Variants in UBR3 observed in about 807,000 individuals in gnomAD.
UBR3 encodes ubiquitin protein ligase E3 component n-recognin 3.
Under a neutral mutation model 243.2 loss-of-function variants are expected in UBR3, and 85 were observed. The observed-to-expected ratio is 0.35, with a 90% CI of 0.29 to 0.42. The LOEUF (loss-of-function observed/expected upper bound fraction) is 0.42, where lower values mean the gene tolerates loss of function less well. UBR3 is among the 10% of genes least tolerant of loss of function. The probability of loss-of-function intolerance (pLI) is 1.00; values close to 1 mark genes in which losing one functional copy is unlikely to be tolerated. For missense variants in UBR3, 1,686 were observed against 2,300.8 expected (o/e 0.73, Z 5.47); for synonymous variants, 748 against 799.8 (o/e 0.94, Z 1.09).
At chr2:169,884,530 A>G (rs560601836) in intron 5 of UBR3, among the ~76,000 whole-genome samples, 29 of 152,286 alleles carry the variant, frequency 1.9e-4, no homozygotes, top group African/African-American at 6.0e-4. Flanking sequence ...AGAACAAAAT[A>G]TATTTTTGAA....
chr2:170,082,674 A>G lies in UBR3; in HGVS notation c.*831A>G, dbSNP rs2091925217. 6.6e-6 allele frequency: 1 copy of G among 152,614 alleles called. No individual in the cohort carries two copies. The allele number at this position is 152,614 out of a possible 1,614,324, so 9.5% of individuals were successfully genotyped here. On this transcript the variant is annotated 3_prime_UTR_variant, in exon 39 of 39. Coordinates refer to ENST00000272793, the MANE Select transcript of UBR3 (RefSeq NM_172070.4). ...CACTGGGCAGATGTTGATTCCGTGC[A>G]TGCCCACCTTTTATTACCAAACAAG...
At chr2:169,991,834 G>A (rs574749485) in intron 25 of UBR3, among the ~76,000 whole-genome samples, 5 of 152,128 alleles carry the variant, frequency 3.3e-5, no homozygotes, top group South Asian at 2.1e-4. Flanking sequence ...TGCCCACCTC[G>A]GCCTCCCAAA....
chr2:170,049,218 C>T (rs772878989), intron 32 of UBR3, among the ~76,000 whole-genome samples: 3 of 152,090 alleles, frequency 2.0e-5, no homozygotes, highest in East Asian at 1.9e-4. Flanking sequence ...ATATGTATTA[C>T]GTACTTTATT....
Position 169,872,248 on chromosome 2 carries a change from G to C in UBR3, c.558G>C (p.Arg186Ser). 2.0e-6 allele frequency: 3 copies of C among 1,520,372 alleles called. No individual in the cohort carries two copies. The highest frequency in any genetic ancestry group is 1.7e-4 in the Middle Eastern group (1 of 5,936). The allele number at this position is 1,520,372 out of a possible 1,614,324, so 94.2% of individuals were successfully genotyped here. A position where few individuals can be genotyped will look rare whatever the true frequency, so the allele number is the denominator to read the frequency against. ...TTTCATATTACAGGTTTTGCAAAAG[G>C]CATCAAATTAAATCAAGTTCAAATA... ...NVMRESGFCK[R>S]HQIKSSSNIP... Residue 186 changes from arginine (R) to serine (S), a missense_variant, in exon 2 of 39, where the codon AGG becomes AGC. Coordinates refer to ENST00000272793, the MANE Select transcript of UBR3 (RefSeq NM_172070.4).
chr2:169,915,400 AT>A (rs1209306536), intron 11 of UBR3, among the ~76,000 whole-genome samples: 1 of 151,874 alleles, frequency 6.6e-6, no homozygotes, highest in Non-Finnish European at 1.5e-5. Context: ...CACCCAGCTG[AT>A]TTTTTTGTAT....
chr2:169,910,091 G>A (rs918341331), intron 10 of UBR3, among the ~76,000 whole-genome samples: 29 of 152,240 alleles, frequency 1.9e-4, no homozygotes, highest in Admixed American at 1.1e-3. Flanking sequence ...TCCGTGAAAT[G>A]TCCAAGTAGA....
At chr2:169,864,961 C>T (rs2083207693) in intron 1 of UBR3, among the ~76,000 whole-genome samples, 1 of 151,364 alleles carries the variant, frequency 6.6e-6, no homozygotes, top group Admixed American at 6.6e-5. Context: ...TGGCACATGC[C>T]TGTAATCCCA....
chr2:170,000,067 G>C (rs1574369896), intron 26 of UBR3, among the ~76,000 whole-genome samples: 2 of 152,018 alleles, frequency 1.3e-5, no homozygotes, highest in South Asian at 4.1e-4. Flanking sequence ...CGGAGGTTGT[G>C]GTGAGCCGAG....
At chr2:170,012,303 A>G (rs989538078) in intron 29 of UBR3, among the ~76,000 whole-genome samples, 1 of 152,164 alleles carries the variant, frequency 6.6e-6, no homozygotes, top group Admixed American at 6.5e-5. Context: ...CAAGGGCTAA[A>G]GAGAATCTTA....
intron 1 of UBR3, among the ~76,000 whole-genome samples, chr2:169,844,779 AG>A (rs1415989411): frequency 6.6e-6 from 1 of 151,902 alleles, no homozygotes; most frequent in Non-Finnish European, 1.5e-5. Flanking sequence ...TACAGGTGGG[AG>A]CCATCGCGCC....
intron 1 of UBR3, among the ~76,000 whole-genome samples, chr2:169,861,736 A>G (rs1033160069): frequency 1.3e-5 from 2 of 152,066 alleles, no homozygotes; most frequent in Non-Finnish European, 1.5e-5. Context: ...GTAGTTATTA[A>G]AATCTGGTGG....
At chr2:169,854,465 C>A (rs1053618070) in intron 1 of UBR3, among the ~76,000 whole-genome samples, 10 of 152,090 alleles carry the variant, frequency 6.6e-5, no homozygotes, top group Admixed American at 4.6e-4. Flanking sequence ...TTAGAGTTAA[C>A]CCTTTTTTTG....
chr2:170,028,799 ATAAATT>A (rs1186520409), intron 30 of UBR3, among the ~76,000 whole-genome samples: 1 of 151,762 alleles, frequency 6.6e-6, no homozygotes, highest in African/African-American at 2.4e-5. Context: ...TTCAGGTAGA[ATAAATT>A]TAAATAGTTG....
Position 169,891,168 on chromosome 2 carries a change from G to A in UBR3, c.1042G>A (p.Asp348Asn), listed in dbSNP as rs1370511602. Reference protein sequence around the residue: ...LGQVDSSDEDDQDGSQGLGKR... With the variant: ...LGQVDSSDEDNQDGSQGLGKR... ...TGCTAATATTATTTTCCTTCAGGAT[G>A]ATCAGGATGGTAGTCAAGGTCTGGG... The change falls in exon 6 of 39, where the codon GAT becomes AAT. Residue 348 changes from aspartate (D) to asparagine (N), a missense_variant. Physicochemically the swap from Asp to Asn is conservative, Grantham distance 23 (BLOSUM62 1). Transcript: ENST00000272793. The A allele has an allele frequency of 1.3e-6, 2 of 1,548,762 alleles. No homozygotes were observed. Among genetic ancestry groups the A allele is most frequent in the South Asian group, 2.4e-5 (2 of 83,834 alleles).
chr2:169,970,235 GTTT>G (rs531832498), intron 24 of UBR3, among the ~76,000 whole-genome samples: 3 of 85,580 alleles, frequency 3.5e-5, no homozygotes, highest in African/African-American at 4.8e-5. Flanking sequence ...TTGTTCCTAG[GTTT>G]TTTTTTTTTT....
chr2:169,850,174 T>C (rs1461243861), intron 1 of UBR3, among the ~76,000 whole-genome samples: 10 of 20,098 alleles, frequency 5.0e-4, no homozygotes, highest in Non-Finnish European at 1.3e-3. Flanking sequence ...TCTAGAGCTT[T>C]TTTTTTTTTT....
At chr2:169,865,970 C>T (rs113227504) in intron 1 of UBR3, among the ~76,000 whole-genome samples, 17,213 of 151,602 alleles carry the variant, frequency 0.11, 1,200 homozygotes, top group Admixed American at 0.19. Context: ...GCCAACATGG[C>T]GAAACCCCAT....
chr2:169,923,879 A>C, intron 11 of UBR3, 50 bp from the exon 12 acceptor site: 2 of 1,447,574 alleles, frequency 1.4e-6, no homozygotes, highest in Non-Finnish European at 1.9e-6. Context: ...ACCATCTTAA[A>C]ATTTCTATAA....
intron 6 of UBR3, among the ~76,000 whole-genome samples, chr2:169,894,573 T>G (rs1315797387): frequency 6.6e-6 from 1 of 152,176 alleles, no homozygotes; most frequent in Non-Finnish European, 1.5e-5. Context: ...CAAGCCTTAG[T>G]AAATGCAGTG....
Sources: allele counts gnomAD v4.1 joint callset (sites outside exome capture counted in the v4.1 genomes callset), GRCh38; gene constraint gnomAD v4.1.1; transcripts MANE v1.5; gene names NCBI Gene and HGNC (gene_info 2026-07-23, HGNC 2026-07-21).